The following ZNF385D variants were observed in gnomAD, a reference collection of about 807,000 sequenced individuals.
The protein encoded by ZNF385D is zinc finger protein 659.
Under a neutral mutation model 35.8 loss-of-function variants are expected in ZNF385D, and 15 were observed. The ratio of observed to expected loss-of-function variants is 0.42; its 90% confidence interval spans 0.28 to 0.64. The LOEUF is 0.64. Among genes scored for constraint, ZNF385D ranks in the 30% least tolerant of loss-of-function variants. ZNF385D has a pLI of 0.23. For synonymous variants in ZNF385D, 212 were observed against 186.8 expected, an observed-to-expected ratio of 1.13 and a Z score of -1.10; for missense variants, 474 against 494.6, an observed-to-expected ratio of 0.96 and a Z score of 0.39.
intron 3 of ZNF385D, among the ~76,000 whole-genome samples, chr3:22,164,247 T>TTTTG (rs1348547943): frequency 4.7e-4 from 44 of 93,480 alleles, no homozygotes; most frequent in African/African-American, 2.2e-3. Context: ...TTTTTTTTTT[T>TTTTG]GAGACGGGGT....
chr3:22,063,336 C>A (rs960856102), intron 3 of ZNF385D, among the ~76,000 whole-genome samples: 2 of 152,096 alleles, frequency 1.3e-5, no homozygotes, highest in Non-Finnish European at 2.9e-5. Flanking sequence ...AACAAACATA[C>A]ATCATTTTGA....
At chr3:22,324,622 T>A (rs1184300549) in intron 2 of ZNF385D, among the ~76,000 whole-genome samples, 1 of 152,156 alleles carries the variant, frequency 6.6e-6, no homozygotes, top group Admixed American at 6.5e-5. Flanking sequence ...CCCCAAATTA[T>A]CTATATATTG....
intron 4 of ZNF385D, among the ~76,000 whole-genome samples, chr3:21,504,488 G>C (rs1258086490): frequency 1.3e-5 from 2 of 151,992 alleles, no homozygotes; most frequent in South Asian, 2.1e-4. Flanking sequence ...TAAAACTCTT[G>C]ACTTACTATC....
At chr3:21,453,044 A>G (rs6799783) in intron 4 of ZNF385D, among the ~76,000 whole-genome samples, 92,196 of 151,522 alleles carry the variant, frequency 0.61, 28,673 homozygotes, top group East Asian at 0.8. Flanking sequence ...AAATAGAATT[A>G]AGAGTCTGGA....
chr3:22,338,174 C>T (rs1052215963), intron 2 of ZNF385D, among the ~76,000 whole-genome samples: 1 of 152,150 alleles, frequency 6.6e-6, no homozygotes, highest in Non-Finnish European at 1.5e-5. Context: ...AAGAGACCTG[C>T]AATAGATCTC....
intron 3 of ZNF385D, among the ~76,000 whole-genome samples, chr3:21,804,311 G>T (rs969378416): frequency 3.6e-4 from 55 of 152,122 alleles, no homozygotes; most frequent in Non-Finnish European, 1.2e-4. Context: ...GTGCCATCTA[G>T]AATTGAAAAG....
At chr3:22,042,837 G>A (rs1698750494) in intron 3 of ZNF385D, among the ~76,000 whole-genome samples, 1 of 152,144 alleles carries the variant, frequency 6.6e-6, no homozygotes, top group Non-Finnish European at 1.5e-5. Context: ...GACGTGTTTG[G>A]TTGTCTTTGG....
Position 21,432,069 on chromosome 3 carries a change from A to T in ZNF385D, c.673+4901T>A, listed in dbSNP as rs55874352. Among the ~76,000 whole-genome samples the T allele has an allele frequency of 4.8e-3, 734 of 152,294 alleles. 4 individuals are homozygous for T. Among genetic ancestry groups the T allele is most frequent in the Admixed American group, 7.0e-3 (107 of 15,276 alleles). On this transcript the variant is annotated intron_variant, in intron 5 of 7. Transcript: ENST00000281523. ...CTTTTTTTTTCATTTGTAAAAAGAA[A>T]GTTATGAGCTCAGGCTCTAGAATTG...
At chr3:21,958,532 A>G (rs145162758) in intron 3 of ZNF385D, among the ~76,000 whole-genome samples, 7 of 152,068 alleles carry the variant, frequency 4.6e-5, no homozygotes, top group African/African-American at 1.7e-4. Context: ...TGTTGATATC[A>G]CTCTTATTTG....
chr3:21,615,584 C>A (rs987020554), intron 2 of ZNF385D, among the ~76,000 whole-genome samples: 7 of 152,060 alleles, frequency 4.6e-5, no homozygotes, highest in African/African-American at 1.7e-4. Context: ...ATTTTATTCT[C>A]ACCCCAATGT....
chr3:22,152,857 A>G (rs1050421200), intron 3 of ZNF385D, among the ~76,000 whole-genome samples: 8 of 152,082 alleles, frequency 5.3e-5, no homozygotes, highest in Non-Finnish European at 2.9e-5. Flanking sequence ...TTCTACTTAT[A>G]AGGGTCCCTG....
intron 2 of ZNF385D, among the ~76,000 whole-genome samples, chr3:22,224,341 T>C (rs34329202): frequency 0.17 from 25,380 of 152,122 alleles, 2,201 homozygotes; most frequent in Middle Eastern, 0.24. Context: ...GTGTGCCTCA[T>C]AGATGTATTT....
chr3:21,920,512 T>G (rs1203317188), intron 3 of ZNF385D, among the ~76,000 whole-genome samples: 2 of 150,594 alleles, frequency 1.3e-5, no homozygotes, highest in Non-Finnish European at 2.9e-5. Flanking sequence ...AGCTTACAGA[T>G]AGAAAGCTGT....
At chr3:22,068,204 G>C (rs1700055088) in intron 3 of ZNF385D, among the ~76,000 whole-genome samples, 1 of 152,082 alleles carries the variant, frequency 6.6e-6, no homozygotes, top group African/African-American at 2.4e-5. Flanking sequence ...TGTTCTCTTA[G>C]ATGCTCTTTC....
intron 3 of ZNF385D, among the ~76,000 whole-genome samples, chr3:21,901,706 A>G (rs1371173133): frequency 6.6e-6 from 1 of 152,190 alleles, no homozygotes; most frequent in East Asian, 1.9e-4. Flanking sequence ...ACCAAAGCTT[A>G]CGTGTTCGAC....
intron 1 of ZNF385D, among the ~76,000 whole-genome samples, chr3:21,731,131 T>C (rs1283676265): frequency 6.6e-6 from 1 of 152,196 alleles, no homozygotes; most frequent in Non-Finnish European, 1.5e-5. Flanking sequence ...CAAAAATGTA[T>C]TCCCTTCACA....
intron 2 of ZNF385D, among the ~76,000 whole-genome samples, chr3:22,359,224 G>T (rs977689730): frequency 2.0e-5 from 3 of 151,684 alleles, no homozygotes; most frequent in African/African-American, 7.3e-5. Context: ...TTAATGCTGG[G>T]AGGACACTGG....
At chr3:22,021,328 G>C (rs964678872) in intron 3 of ZNF385D, among the ~76,000 whole-genome samples, 1 of 151,902 alleles carries the variant, frequency 6.6e-6, no homozygotes, top group African/African-American at 2.4e-5. Context: ...CAAAGCTTGT[G>C]GGGGAGTCAG....
chr3:21,909,743 T>C (rs1438610047), intron 3 of ZNF385D, among the ~76,000 whole-genome samples: 1 of 151,942 alleles, frequency 6.6e-6, no homozygotes, highest in African/African-American at 2.4e-5. Flanking sequence ...CCTTTAACTA[T>C]GGGAAATCTT....
Sources: allele counts gnomAD v4.1 joint callset (sites outside exome capture counted in the v4.1 genomes callset), GRCh38; gene constraint gnomAD v4.1.1; transcripts MANE v1.5; gene names NCBI Gene and HGNC (gene_info 2026-07-23, HGNC 2026-07-21).